LINGO2: variants seen among roughly 807,000 people sequenced by gnomAD.
LINGO2 encodes leucine rich repeat and Ig domain containing 2.
LINGO2 carries 14 observed loss-of-function variants against 30.6 expected under a neutral mutation model. That is an observed-to-expected ratio of 0.46 (90% CI 0.30 to 0.72). The LOEUF is 0.72. Ranked by LOEUF, LINGO2 falls within the 30% of genes least tolerant of loss-of-function variation. The pLI is 0.07. For synonymous variants in LINGO2, 317 were observed against 288.5 expected (o/e 1.10, Z -1.00); for missense variants, 729 against 751.7 (o/e 0.97, Z 0.35).
chr9:28,020,553 AAAC>A (rs1823064325), intron 4 of LINGO2, among the ~76,000 whole-genome samples: 1 of 142,618 alleles, frequency 7.0e-6, no homozygotes, highest in African/African-American at 2.7e-5. Flanking sequence ...AAACAAAACA[AAAC>A]AAAACAAAAC....
intron 4 of LINGO2, among the ~76,000 whole-genome samples, chr9:28,243,740 T>G (rs1310769121): frequency 6.6e-6 from 1 of 152,110 alleles, no homozygotes; most frequent in African/African-American, 2.4e-5. Flanking sequence ...GGGCGTTACA[T>G]AATGGTAAAG....
the LINGO2 span, among the ~76,000 whole-genome samples, chr9:28,887,151 A>C: frequency 4.6e-5 from 7 of 152,178 alleles, no homozygotes; most frequent in African/African-American, 1.7e-4. Flanking sequence ...CACGCTTGTC[A>C]GTTTCTAACC....
At chr9:28,698,963 G>C in the LINGO2 span, among the ~76,000 whole-genome samples, 6 of 151,842 alleles carry the variant, frequency 4.0e-5, no homozygotes, top group African/African-American at 1.5e-4. Flanking sequence ...GTTCACTGAA[G>C]CCCAGAAGTT....
chr9:28,676,374 T>G, the LINGO2 span, among the ~76,000 whole-genome samples: 2 of 152,072 alleles, frequency 1.3e-5, no homozygotes, highest in South Asian at 4.1e-4. Flanking sequence ...AACAAACATT[T>G]TTCCAACTTA....
At chr9:28,161,270 G>A (rs549436249) in intron 4 of LINGO2, among the ~76,000 whole-genome samples, 2 of 152,066 alleles carry the variant, frequency 1.3e-5, no homozygotes, top group Non-Finnish European at 2.9e-5. Flanking sequence ...GGAAAAAGCA[G>A]GGGGGCAGTA....
the LINGO2 span, among the ~76,000 whole-genome samples, chr9:28,974,275 G>A: frequency 1.3e-4 from 19 of 151,902 alleles, no homozygotes; most frequent in Non-Finnish European, 2.6e-4. Context: ...GCGTGGTGGC[G>A]GGCACCTGTA....
chr9:28,433,308 G>T (rs1357816898), intron 2 of LINGO2, among the ~76,000 whole-genome samples: 1 of 141,628 alleles, frequency 7.1e-6, no homozygotes. Context: ...ATAAAGGGAA[G>T]ATCTCAGCCA....
the LINGO2 span, among the ~76,000 whole-genome samples, chr9:29,204,687 A>G: frequency 6.6e-6 from 1 of 152,286 alleles, no homozygotes. Flanking sequence ...TGAATATTCC[A>G]ACATTTGTTT....
chr9:28,638,068 A>G (rs1039395846), intron 1 of LINGO2, among the ~76,000 whole-genome samples: 2 of 152,144 alleles, frequency 1.3e-5, no homozygotes, highest in Non-Finnish European at 2.9e-5. Context: ...TTCTGCATCT[A>G]TTGAGATAAT....
chr9:28,650,323 T>C (rs1222468508), intron 1 of LINGO2, among the ~76,000 whole-genome samples: 1 of 152,120 alleles, frequency 6.6e-6, no homozygotes, highest in Non-Finnish European at 1.5e-5. Context: ...GAACCTATCA[T>C]TCAGAGAGCT....
intron 1 of LINGO2, among the ~76,000 whole-genome samples, chr9:28,641,217 T>C (rs1827560022): frequency 6.6e-6 from 1 of 152,002 alleles, no homozygotes. Flanking sequence ...TTTGTATTTT[T>C]AGTAGAGACA....
chr9:29,169,572 A>G, the LINGO2 span, among the ~76,000 whole-genome samples: 1 of 152,218 alleles, frequency 6.6e-6, no homozygotes, highest in Non-Finnish European at 1.5e-5. Context: ...AATTAAAACC[A>G]CAGTAAGATA....
At chr9:28,363,018 C>T (rs1820513175) in intron 3 of LINGO2, among the ~76,000 whole-genome samples, 1 of 152,128 alleles carries the variant, frequency 6.6e-6, no homozygotes, top group African/African-American at 2.4e-5. Context: ...CCTTCTCCAG[C>T]ATAATCATAT....
intron 5 of LINGO2, among the ~76,000 whole-genome samples, chr9:28,000,148 C>T (rs1049271792): frequency 4.6e-5 from 7 of 152,116 alleles, no homozygotes; most frequent in African/African-American, 9.7e-5. Flanking sequence ...TCACATTCAC[C>T]GAAGAAGCTC....
At chr9:28,803,604 GGGGGTCAGT>G in the LINGO2 span, among the ~76,000 whole-genome samples, 1 of 151,792 alleles carries the variant, frequency 6.6e-6, no homozygotes, top group Admixed American at 6.6e-5. Context: ...CTTTCCTTAA[GGGGGTCAGT>G]GAATTTCCTA....
the LINGO2 span, among the ~76,000 whole-genome samples, chr9:28,737,483 A>C: frequency 6.6e-6 from 1 of 152,202 alleles, no homozygotes; most frequent in Non-Finnish European, 1.5e-5. Context: ...TGATGCAGTT[A>C]ACTTTGTGAT....
chr9:29,169,354 A>G, the LINGO2 span, among the ~76,000 whole-genome samples: 1 of 152,304 alleles, frequency 6.6e-6, no homozygotes, highest in South Asian at 2.1e-4. Context: ...TGCAGTAATC[A>G]AAGGTGATAA....
At chr9:28,349,092 C>T (rs1335896719) in intron 3 of LINGO2, among the ~76,000 whole-genome samples, 1 of 152,134 alleles carries the variant, frequency 6.6e-6, no homozygotes, top group African/African-American at 2.4e-5. Flanking sequence ...AGCAGAGCGC[C>T]TCTCCTCCTC....
the LINGO2 span, among the ~76,000 whole-genome samples, chr9:29,135,322 G>A: frequency 2.0e-5 from 3 of 152,034 alleles, no homozygotes; most frequent in South Asian, 4.1e-4. Flanking sequence ...CACTTTTGGA[G>A]GCCAAAGCGA....
Sources: gnomAD v4.1 joint callset for allele counts (sites outside exome capture counted in the v4.1 genomes callset) on GRCh38, gnomAD v4.1.1 for gene constraint, MANE v1.5 for transcripts, NCBI Gene and HGNC (gene_info 2026-07-23, HGNC 2026-07-21) for gene names.